WDR7: variants seen among roughly 807,000 people sequenced by gnomAD.
The protein encoded by WDR7 is WD repeat-containing protein 7.
A neutral mutation model predicts 169.4 loss-of-function variants in WDR7; 46 were observed. The ratio of observed to expected loss-of-function variants is 0.27; its 90% CI spans 0.21 to 0.35. WDR7 has a LOEUF of 0.35. Among genes scored for constraint, WDR7 ranks in the 10% least tolerant of loss-of-function variants. WDR7 has a pLI of 1.00. For synonymous variants in WDR7, 612 were observed against 666.8 expected (o/e 0.92, Z 1.27); for missense variants, 1,534 against 1,859.3 (o/e 0.83, Z 3.22).
At chr18:56,676,969 A>G (rs865779419) in intron 2 of WDR7, among the ~76,000 whole-genome samples, 15 of 152,236 alleles carry the variant, frequency 9.9e-5, no homozygotes, top group Middle Eastern at 3.4e-3. Flanking sequence ...TGTGTCTTGA[A>G]ACGTTGTAGT....
intron 14 of WDR7, among the ~76,000 whole-genome samples, chr18:56,732,839 T>C (rs1307310377): frequency 6.6e-6 from 1 of 152,228 alleles, no homozygotes; most frequent in African/African-American, 2.4e-5. Flanking sequence ...TCTGACATGA[T>C]ATGTAATTTG....
chr18:56,998,854 T>A (rs1470202548), intron 26 of WDR7, among the ~76,000 whole-genome samples: 1 of 152,198 alleles, frequency 6.6e-6, no homozygotes, highest in African/African-American at 2.4e-5. Context: ...AGCATATATT[T>A]TAAAAATTTA....
intron 20 of WDR7, among the ~76,000 whole-genome samples, chr18:56,869,387 A>T (rs2045923570): frequency 6.6e-6 from 1 of 152,190 alleles, no homozygotes; most frequent in Non-Finnish European, 1.5e-5. Flanking sequence ...CATACATACA[A>T]ATTAATAGCA....
chr18:56,704,157 TTAG>T (rs1319752809), intron 12 of WDR7, among the ~76,000 whole-genome samples: 6 of 152,232 alleles, frequency 3.9e-5, no homozygotes, highest in South Asian at 2.1e-4. Context: ...CAATACTATA[TTAG>T]TTGTACATTC....
At chr18:56,804,128 TCTA>T (rs745847148) in intron 19 of WDR7, among the ~76,000 whole-genome samples, 5 of 152,200 alleles carry the variant, frequency 3.3e-5, no homozygotes, top group African/African-American at 4.8e-5. Flanking sequence ...CATATCACTG[TCTA>T]CTATCTTGTA....
chr18:57,008,659 T>G (rs2145909009), intron 26 of WDR7, among the ~76,000 whole-genome samples: 1 of 152,330 alleles, frequency 6.6e-6, no homozygotes, highest in African/African-American at 2.4e-5. Context: ...TCTCTGTACC[T>G]TTTTCTGACA....
intron 26 of WDR7, among the ~76,000 whole-genome samples, chr18:56,994,016 CTTTTTTTT>C (rs35579782): frequency 7.7e-6 from 1 of 129,204 alleles, no homozygotes; most frequent in Non-Finnish European, 1.6e-5. Context: ...CTTTTTTTTT[CTTTTTTTT>C]TTTTTTTCTT....
intron 25 of WDR7, among the ~76,000 whole-genome samples, chr18:56,951,589 T>C (rs1310715992): frequency 1.3e-5 from 2 of 152,200 alleles, no homozygotes; most frequent in East Asian, 3.9e-4. Flanking sequence ...TATATATAAT[T>C]CCCTAAAATA....
intron 21 of WDR7, chr18:56,890,934 G>T (rs190209666): frequency 6.6e-6 from 1 of 152,266 alleles, no homozygotes; most frequent in Non-Finnish European, 1.5e-5. Flanking sequence ...ATCACTTGCA[G>T]AATGTTTTTA....
chr18:56,737,942 T>C (rs1211037387), intron 14 of WDR7, among the ~76,000 whole-genome samples: 1 of 152,174 alleles, frequency 6.6e-6, no homozygotes, highest in Non-Finnish European at 1.5e-5. Flanking sequence ...TAATAGAAAA[T>C]ATGAGTATGT....
At chr18:56,761,982 C>A (rs576390377) in intron 16 of WDR7, among the ~76,000 whole-genome samples, 188 of 152,014 alleles carry the variant, frequency 1.2e-3, no homozygotes, top group South Asian at 3.3e-3. Context: ...TATGATATTT[C>A]CTATATGCTT....
intron 20 of WDR7, among the ~76,000 whole-genome samples, chr18:56,879,003 G>T (rs1386307563): frequency 6.6e-6 from 1 of 152,268 alleles, no homozygotes; most frequent in East Asian, 1.9e-4. Flanking sequence ...GATTACTTTT[G>T]CACCAACCTA....
At chr18:56,779,254 A>T (rs542138467) in intron 17 of WDR7, among the ~76,000 whole-genome samples, 177 bp from the exon 18 acceptor site, 2 of 152,332 alleles carry the variant, frequency 1.3e-5, no homozygotes, top group South Asian at 4.1e-4. Flanking sequence ...TGATTTAGGG[A>T]TGAAATACGT....
intron 21 of WDR7, among the ~76,000 whole-genome samples, chr18:56,907,844 C>A (rs1451797233): frequency 6.6e-6 from 1 of 152,050 alleles, no homozygotes. Context: ...GTGCCCAGGA[C>A]CCCCACCTCG....
intron 12 of WDR7, among the ~76,000 whole-genome samples, chr18:56,717,720 C>T (rs1329809201): frequency 1.3e-5 from 2 of 152,168 alleles, no homozygotes; most frequent in East Asian, 3.8e-4. Context: ...ATTTGAACAG[C>T]AGTTTTTCCA....
chr18:56,674,810 C>T (rs772355757), intron 2 of WDR7, among the ~76,000 whole-genome samples: 31 of 152,224 alleles, frequency 2.0e-4, no homozygotes, highest in Non-Finnish European at 4.1e-4. Flanking sequence ...AGTTTTACTT[C>T]TTACATTTAG....
At chr18:56,979,814 C>T (rs1257537397) in intron 26 of WDR7, among the ~76,000 whole-genome samples, 1 of 152,190 alleles carries the variant, frequency 6.6e-6, no homozygotes, top group South Asian at 2.1e-4. Flanking sequence ...TAGAAGAACA[C>T]TTTTAGCTGC....
chr18:56,860,903 G>T (rs2045794644), intron 20 of WDR7, among the ~76,000 whole-genome samples: 1 of 150,876 alleles, frequency 6.6e-6, no homozygotes, highest in African/African-American at 2.4e-5. Flanking sequence ...CTAAACCATT[G>T]GTTTGTATCA....
intron 19 of WDR7, among the ~76,000 whole-genome samples, chr18:56,794,315 T>A (rs1001600917): frequency 2.8e-5 from 3 of 107,106 alleles, no homozygotes; most frequent in African/African-American, 9.4e-5. Flanking sequence ...TTTTTTTTTT[T>A]TTTTTTTTTT....
Sources: gnomAD v4.1 joint callset for allele counts (sites outside exome capture counted in the v4.1 genomes callset) on GRCh38, gnomAD v4.1.1 for gene constraint, MANE v1.5 for transcripts, NCBI Gene and HGNC (gene_info 2026-07-23, HGNC 2026-07-21) for gene names.